Variants in THRB observed in about 807,000 individuals in gnomAD.
The protein encoded by THRB is nuclear receptor subfamily 1 group A member 2.
A neutral mutation model predicts 47.8 loss-of-function variants in THRB; 12 were observed. The ratio of observed to expected loss-of-function variants is 0.25; its 90% CI spans 0.16 to 0.41. The LOEUF (loss-of-function observed/expected upper bound fraction) is 0.41, where lower values mean the gene tolerates loss of function less well. THRB is among the 10% of genes least tolerant of loss of function. The probability of loss-of-function intolerance (pLI) is 1.00; values close to 1 mark genes in which losing one functional copy is unlikely to be tolerated. For synonymous variants in THRB, 218 were observed against 212.2 expected (o/e 1.03, Z -0.24); for missense variants, 348 against 589.2 (o/e 0.59, Z 4.24).
chr3:24,228,952 G>C lies in THRB; in HGVS notation c.8C>G (p.Pro3Arg). 6.2e-7 allele frequency: 1 copy of C among 1,612,482 alleles called. No homozygotes were observed. Among genetic ancestry groups the C allele is most frequent in the Non-Finnish European group, 8.5e-7 (1 of 1,179,210 alleles). The change falls in exon 4 of 11, where the codon CCC (proline) becomes CGC (arginine). Residue 3 changes from proline (P) to arginine (R), a missense_variant. Transcript: ENST00000646209. MT[P>R]NSMTENGLTA... ...AAAAAAGATACCTGTCATACTGTTGGGAGTCATAGGTTAGTAATCATTCTG... is the reference window on the plus strand; with the variant it reads ...AAAAAAGATACCTGTCATACTGTTGCGAGTCATAGGTTAGTAATCATTCTG...
At chr3:24,362,149 C>T (rs2064119265) in intron 1 of THRB, among the ~76,000 whole-genome samples, 1 of 152,116 alleles carries the variant, frequency 6.6e-6, no homozygotes, top group Non-Finnish European at 1.5e-5. Context: ...GATGTCAGAT[C>T]TTGCTTTCAC....
chr3:24,229,882 G>A (rs1033175071), intron 3 of THRB, among the ~76,000 whole-genome samples: 4 of 152,170 alleles, frequency 2.6e-5, no homozygotes, highest in Non-Finnish European at 4.4e-5. Flanking sequence ...GAGGTCCAAC[G>A]TTGTAATATA....
At chr3:24,318,415 A>C (rs1375799834) in intron 2 of THRB, 1 of 151,906 alleles carries the variant, frequency 6.6e-6, no homozygotes. Flanking sequence ...TCGTTGTAAC[A>C]CTCACTCAGG....
At chr3:24,155,572 GACA>G (rs2037694530) in intron 5 of THRB, among the ~76,000 whole-genome samples, 1 of 152,184 alleles carries the variant, frequency 6.6e-6, no homozygotes, top group African/African-American at 2.4e-5. Context: ...GAACATGATT[GACA>G]ACATTACATA....
chr3:24,411,969 CA>C (rs2068342870), intron 1 of THRB, among the ~76,000 whole-genome samples: 1 of 151,670 alleles, frequency 6.6e-6, no homozygotes, highest in African/African-American at 2.4e-5. Flanking sequence ...TGTGTCAAAT[CA>C]AGTTTTCAGG....
At chr3:24,274,095 C>T (rs748945811) in intron 3 of THRB, among the ~76,000 whole-genome samples, 19 of 152,008 alleles carry the variant, frequency 1.2e-4, no homozygotes, top group Non-Finnish European at 2.8e-4. Flanking sequence ...GAAACTCAGG[C>T]GATACTGACC....
intron 8 of THRB, among the ~76,000 whole-genome samples, chr3:24,135,029 T>A (rs933794867): frequency 6.6e-5 from 10 of 152,152 alleles, no homozygotes; most frequent in Non-Finnish European, 2.9e-5. Context: ...CCCCAGTGTA[T>A]TTGATTCAGC....
At chr3:24,356,900 T>C (rs1271405572) in intron 1 of THRB, among the ~76,000 whole-genome samples, 1 of 152,110 alleles carries the variant, frequency 6.6e-6, no homozygotes, top group East Asian at 1.9e-4. Flanking sequence ...ACACCAAAGA[T>C]GGTCTCTGAT....
chr3:24,396,573 A>G lies in THRB; in HGVS notation c.-260-59202T>C, dbSNP rs2066981300. ...TAGAGACCAACACTTGTGAGAAGACACTGCACCTCCTTTCCTGGAAAGAAA... is the reference window on the plus strand; with the variant it reads ...TAGAGACCAACACTTGTGAGAAGACGCTGCACCTCCTTTCCTGGAAAGAAA... On this transcript the variant is annotated intron_variant, in intron 1 of 10. Transcript: ENST00000646209. Among the ~76,000 whole-genome samples the G allele has an allele frequency of 2.0e-5, 3 of 152,094 alleles. No individual in the cohort carries two copies. The South Asian group carries it at 6.2e-4, about 32-fold the overall frequency.
intron 5 of THRB, 120 bp from the exon 6 acceptor site, chr3:24,152,610 A>G (rs942020838): frequency 2.9e-6 from 2 of 698,724 alleles, no homozygotes; most frequent in Non-Finnish European, 2.6e-6. Context: ...TAACAACAGT[A>G]AAGACTTAGT....
At chr3:24,267,044 TAAGATTAAAAG>T (rs2052736420) in intron 3 of THRB, among the ~76,000 whole-genome samples, 1 of 150,274 alleles carries the variant, frequency 6.7e-6, no homozygotes, top group African/African-American at 2.5e-5. Context: ...TTAAATAAAA[TAAGATTAAAAG>T]AAGATTATAA....
At chr3:24,475,719 AATT>A (rs1186049860) in intron 1 of THRB, among the ~76,000 whole-genome samples, 2 of 152,262 alleles carry the variant, frequency 1.3e-5, no homozygotes, top group East Asian at 3.9e-4. Flanking sequence ...CTATCAAGCA[AATT>A]ATTTTAAAAT....
intron 3 of THRB, among the ~76,000 whole-genome samples, chr3:24,294,228 G>A (rs925629250): frequency 3.3e-5 from 5 of 152,216 alleles, no homozygotes; most frequent in African/African-American, 4.8e-5. Context: ...GAGAGACCAC[G>A]TGAAGAAAGT....
intron 5 of THRB, among the ~76,000 whole-genome samples, chr3:24,183,428 G>A (rs1296201058): frequency 2.8e-5 from 4 of 144,940 alleles, no homozygotes; most frequent in Middle Eastern, 3.6e-3. Flanking sequence ...GTGCAATGGC[G>A]CTATCTTGGC....
chr3:24,363,428 T>A (rs1264236312), intron 1 of THRB, among the ~76,000 whole-genome samples: 3 of 152,158 alleles, frequency 2.0e-5, no homozygotes, highest in African/African-American at 7.2e-5. Flanking sequence ...AGCTAGCTAA[T>A]TGTGCCTAAA....
intron 1 of THRB, among the ~76,000 whole-genome samples, chr3:24,473,928 G>T (rs1027602193): frequency 6.6e-6 from 1 of 152,138 alleles, no homozygotes; most frequent in African/African-American, 2.4e-5. Flanking sequence ...ACAGGGAGGG[G>T]AACATCATAC....
chr3:24,177,220 A>T (rs1278794756), intron 5 of THRB, among the ~76,000 whole-genome samples: 2 of 152,108 alleles, frequency 1.3e-5, no homozygotes, highest in Non-Finnish European at 2.9e-5. Context: ...AGTAAAATGG[A>T]ATCATTATTT....
intron 8 of THRB, among the ~76,000 whole-genome samples, chr3:24,137,842 C>T (rs2034883501): frequency 6.6e-6 from 1 of 152,062 alleles, no homozygotes; most frequent in African/African-American, 2.4e-5. Context: ...GTGGTTTGGG[C>T]AGGCTGAAGT....
At chr3:24,389,857 T>C (rs1413599969) in intron 1 of THRB, among the ~76,000 whole-genome samples, 1 of 152,138 alleles carries the variant, frequency 6.6e-6, no homozygotes, top group East Asian at 1.9e-4. Flanking sequence ...TCAGTGGCAG[T>C]CACTAAAGGC....
Sources: allele counts gnomAD v4.1 joint callset (sites outside exome capture counted in the v4.1 genomes callset), GRCh38; gene constraint gnomAD v4.1.1; transcripts MANE v1.5; gene names NCBI Gene and HGNC (gene_info 2026-07-23, HGNC 2026-07-21).